Variants in EPHA5 observed in about 807,000 individuals in gnomAD.
The protein encoded by EPHA5 is ephrin type-A receptor 5.
In EPHA5, 60 loss-of-function variants were observed where a neutral mutation model predicts 105.0. The ratio of observed to expected loss-of-function variants is 0.57; its 90% CI spans 0.46 to 0.71. The LOEUF is 0.71. Among genes scored for constraint, EPHA5 ranks in the 30% least tolerant of loss-of-function variants. The pLI, the probability that EPHA5 is intolerant of heterozygous loss-of-function variation, is 0.00. For missense variants in EPHA5, 1,218 were observed against 1,274.7 expected, an observed-to-expected ratio of 0.96 and a Z score of 0.68; for synonymous variants, 513 against 449.1, an observed-to-expected ratio of 1.14 and a Z score of -1.80.
At chr4:65,519,965 T>A (rs939164736) in intron 3 of EPHA5, among the ~76,000 whole-genome samples, 2 of 152,158 alleles carry the variant, frequency 1.3e-5, no homozygotes, top group Non-Finnish European at 2.9e-5. Flanking sequence ...AAGTAATTTA[T>A]AGATTTAATG....
rs372935461 is a variant in EPHA5, at chr4:65,333,057, C to T, written c.2790-929G>A. Among the ~76,000 whole-genome samples, 54 of 151,648 alleles carry T rather than the reference C, an allele frequency of 3.6e-4. No homozygotes were observed. The East Asian group carries it at 4.5e-3, about 13-fold the overall frequency. ...TCAATAGACACTTTTAATGACACTA[C>T]GTTCATATTCTTTGGACAATAATAA... On this transcript the variant is annotated intron_variant, in intron 15 of 16. Transcript: ENST00000613740.
Position 65,545,692 on chromosome 4 carries a change from G to A in EPHA5, c.911-50149C>T, listed in dbSNP as rs532363756. ...AAAGAGCAAAATATTTTGAACATTAGGTGATATTCTAAGTGGTAAAGCTGT... is the reference window on the plus strand; with the variant it reads ...AAAGAGCAAAATATTTTGAACATTAAGTGATATTCTAAGTGGTAAAGCTGT... On this transcript the variant is annotated intron_variant, in intron 3 of 16. Transcript: ENST00000613740. 2.0e-5 allele frequency among the ~76,000 whole-genome samples: 3 copies of A among 152,018 alleles called. No homozygotes were observed. In the East Asian group the frequency reaches 5.8e-4, roughly 29 times the overall value.
At chr4:65,483,752 C>T (rs960747663) in intron 5 of EPHA5, among the ~76,000 whole-genome samples, 16 of 152,038 alleles carry the variant, frequency 1.1e-4, no homozygotes, top group Non-Finnish European at 2.1e-4. Flanking sequence ...GATTATTTTA[C>T]CAGATCTTTG....
intron 5 of EPHA5, among the ~76,000 whole-genome samples, chr4:65,484,130 G>A (rs1730648642): frequency 6.6e-6 from 1 of 152,038 alleles, no homozygotes; most frequent in African/African-American, 2.4e-5. Context: ...TAGTCTAAAA[G>A]GTGACCTTTT....
At chr4:65,427,078 G>A (rs1409985942) in intron 5 of EPHA5, among the ~76,000 whole-genome samples, 1 of 150,874 alleles carries the variant, frequency 6.6e-6, no homozygotes, top group Non-Finnish European at 1.5e-5. Flanking sequence ...TGGAAAAAAA[G>A]TCCAAGAATA....
intron 2 of EPHA5, among the ~76,000 whole-genome samples, chr4:65,616,907 G>C (rs1040093702): frequency 3.9e-5 from 6 of 151,998 alleles, no homozygotes; most frequent in African/African-American, 1.4e-4. Flanking sequence ...TTATCTATTT[G>C]CAAGATATTA....
At chr4:65,616,606 A>T (rs946556277) in intron 2 of EPHA5, among the ~76,000 whole-genome samples, 6 of 152,026 alleles carry the variant, frequency 3.9e-5, no homozygotes, top group African/African-American at 1.4e-4. Context: ...ATTTCAACTC[A>T]CTACACCATG....
At chr4:65,443,912 TGTGTGTGTGTGTGTGTGCGTGCAC>T (rs1726254816) in intron 5 of EPHA5, among the ~76,000 whole-genome samples, 3 of 151,688 alleles carry the variant, frequency 2.0e-5, no homozygotes, top group Non-Finnish European at 4.4e-5. Flanking sequence ...TGCCTGTGTG[TGTGTGTGTGTGTGTGTGCGTGCAC>T]GTGTGCACGC....
intron 11 of EPHA5, among the ~76,000 whole-genome samples, chr4:65,357,308 T>C (rs1723395625): frequency 6.6e-6 from 1 of 151,478 alleles, no homozygotes; most frequent in African/African-American, 2.4e-5. Context: ...AGGAGTAAAG[T>C]TGAGAATCAA....
chr4:65,496,766 T>C (rs1731986629), intron 3 of EPHA5, among the ~76,000 whole-genome samples: 2 of 152,222 alleles, frequency 1.3e-5, no homozygotes, highest in East Asian at 1.9e-4. Context: ...GGCTTATGTC[T>C]TACTCAGTTT....
chr4:65,325,804 G>A (rs1002855931), intron 16 of EPHA5, among the ~76,000 whole-genome samples: 2 of 150,968 alleles, frequency 1.3e-5, no homozygotes, highest in South Asian at 2.1e-4. Context: ...TTATAGGCTG[G>A]ATAATTCTTT....
Position 65,365,981 on chromosome 4 carries a change from A to G in EPHA5, c.1938T>C (p.Ala646=), listed in dbSNP as rs35363653. Residue 646 remains alanine (A), a synonymous_variant, in exon 10 of 17, where the codon GCT becomes GCC. Coordinates refer to ENST00000613740, the MANE Select transcript of EPHA5 (RefSeq NM_001281766.3). The part of the protein sequence containing the change: ...EDPNQAVHEF[A]KEIEASCITI... ...TGATACATGATGCTTCTATCTCCTT[A>G]GCAAATTCGTGGACAGCTTGATTGG... is the stretch of plus-strand genomic sequence containing the variant. 4,208 of 1,609,684 alleles carry G rather than the reference A, an allele frequency of 2.6e-3. 90 individuals carry two copies. The African/African-American group carries it at 0.047, about 18-fold the overall frequency.
At chr4:65,582,417 C>A (rs923332753) in intron 3 of EPHA5, among the ~76,000 whole-genome samples, 2 of 150,348 alleles carry the variant, frequency 1.3e-5, no homozygotes, top group African/African-American at 4.9e-5. Flanking sequence ...TTGTTTTCCT[C>A]TGGATGGCAA....
chr4:65,419,987 C>G (rs1279640189), intron 6 of EPHA5, among the ~76,000 whole-genome samples: 1 of 152,018 alleles, frequency 6.6e-6, no homozygotes, highest in Non-Finnish European at 1.5e-5. Context: ...TACTACAGTG[C>G]CAGATGTTTG....
At chr4:65,477,882 G>C (rs1729980987) in intron 5 of EPHA5, among the ~76,000 whole-genome samples, 1 of 152,132 alleles carries the variant, frequency 6.6e-6, no homozygotes, top group South Asian at 2.1e-4. Context: ...ATAGATAGAA[G>C]GGAGAAAGAG....
chr4:65,382,664 C>T (rs532217577), intron 8 of EPHA5, among the ~76,000 whole-genome samples: 53 of 151,900 alleles, frequency 3.5e-4, no homozygotes, highest in South Asian at 2.1e-3. Context: ...CCTGGCTACA[C>T]ATTAGAATCA....
At chr4:65,656,576 T>TTA (rs1022997072) in intron 1 of EPHA5, among the ~76,000 whole-genome samples, 2 of 147,550 alleles carry the variant, frequency 1.4e-5, no homozygotes, top group South Asian at 2.1e-4. Context: ...ATGTAGCATT[T>TTA]TATATATATA....
intron 3 of EPHA5, among the ~76,000 whole-genome samples, chr4:65,553,603 G>T (rs1207743367): frequency 1.3e-5 from 2 of 151,926 alleles, no homozygotes; most frequent in African/African-American, 4.8e-5. Context: ...TCTGGTAAAA[G>T]AATAAGCAGA....
intron 7 of EPHA5, among the ~76,000 whole-genome samples, chr4:65,407,750 G>T (rs1003315239): frequency 1.3e-5 from 2 of 150,582 alleles, no homozygotes; most frequent in African/African-American, 4.9e-5. Flanking sequence ...TCCTTGATGG[G>T]TTTTACATTT....
Sources: gnomAD v4.1 joint callset for allele counts (sites outside exome capture counted in the v4.1 genomes callset) on GRCh38, gnomAD v4.1.1 for gene constraint, MANE v1.5 for transcripts, NCBI Gene and HGNC (gene_info 2026-07-23, HGNC 2026-07-21) for gene names.